RAD23B: variants seen among roughly 807,000 people sequenced by gnomAD.
RAD23B encodes the protein RAD23 nucleotide excision repair protein B, also known as lysine-specific demethylase RAD23B.
Under a neutral mutation model 49.1 loss-of-function variants are expected in RAD23B, and 5 were observed. That is an observed-to-expected ratio of 0.10 (90% CI 0.05 to 0.21). The LOEUF (loss-of-function observed/expected upper bound fraction) is 0.21, where lower values mean the gene tolerates loss of function less well. Ranked by LOEUF, RAD23B falls within the 10% of genes least tolerant of loss-of-function variation. The pLI, the probability that RAD23B is intolerant of heterozygous loss-of-function variation, is 1.00. For synonymous variants in RAD23B, 184 were observed against 165.4 expected (o/e 1.11, Z -0.86); for missense variants, 356 against 486.7 (o/e 0.73, Z 2.53).
intron 1 of RAD23B, among the ~76,000 whole-genome samples, chr9:107,289,044 CTTCCTCCCTCCCTTCT>C (rs1833330706): frequency 7.9e-6 from 1 of 127,344 alleles, no homozygotes; most frequent in Non-Finnish European, 1.7e-5. Context: ...TCCTCTCTCC[CTTCCTCCCTCCCTTCT>C]TCCCTTCCTC....
chr9:107,327,271 T>A (rs1750437775), intron 9 of RAD23B, among the ~76,000 whole-genome samples: 1 of 152,158 alleles, frequency 6.6e-6, no homozygotes, highest in African/African-American at 2.4e-5. Flanking sequence ...GTTTTAAGTC[T>A]CTCTAATGTT....
chr9:107,312,389 A>G (rs550518045), intron 5 of RAD23B, among the ~76,000 whole-genome samples: 2 of 152,286 alleles, frequency 1.3e-5, no homozygotes, highest in Non-Finnish European at 2.9e-5. Context: ...AGGAATAGGT[A>G]GAAACAGCAG....
chr9:107,308,632 C>CTT, intron 4 of RAD23B, among the ~76,000 whole-genome samples: 1 of 152,186 alleles, frequency 6.6e-6, no homozygotes, highest in Non-Finnish European at 1.5e-5. Flanking sequence ...GCATAAGTAA[C>CTT]TTGATGGTCA....
chr9:107,324,521 A>G (rs1827166013), intron 8 of RAD23B, among the ~76,000 whole-genome samples: 1 of 152,150 alleles, frequency 6.6e-6, no homozygotes, highest in South Asian at 2.1e-4. Context: ...GCAAGTATTA[A>G]GAATAAGTTC....
chr9:107,304,488 G>A (rs1826719179), intron 3 of RAD23B, among the ~76,000 whole-genome samples: 1 of 152,154 alleles, frequency 6.6e-6, no homozygotes, highest in African/African-American at 2.4e-5. Flanking sequence ...TGGCTGTTAA[G>A]AAAGTTAAGC....
rs1833203453 is a variant in RAD23B, at chr9:107,283,625, G to A, written c.-5G>A. On this transcript the variant is annotated 5_prime_UTR_variant, in exon 1 of 10. Transcript: ENST00000358015. ...GGCCCGGCAGCCGAGCTGCGCGGCG[G>A]CACCATGCAGGTCACCCTGAAGACC... 4 of 1,477,616 alleles carry A rather than the reference G, an allele frequency of 2.7e-6. No individual in the cohort carries two copies. Among genetic ancestry groups the A allele is most frequent in the East Asian group, 3.1e-5 (1 of 32,072 alleles). 91.5% of individuals were successfully genotyped at this position (1,477,616 alleles called of 1,614,324 possible).
At chr9:107,314,603 A>C (rs948849875) in intron 5 of RAD23B, among the ~76,000 whole-genome samples, 8 of 152,178 alleles carry the variant, frequency 5.3e-5, no homozygotes, top group African/African-American at 1.9e-4. Flanking sequence ...CCATATCTTT[A>C]CTATTGTGAA....
intron 1 of RAD23B, among the ~76,000 whole-genome samples, chr9:107,292,469 A>C (rs1381142271): frequency 6.6e-6 from 1 of 152,136 alleles, no homozygotes; most frequent in Non-Finnish European, 1.5e-5. Context: ...TCACGAGGTC[A>C]GGAGTTCGAG....
chr9:107,329,758 T>A lies in RAD23B; in HGVS notation c.*102T>A. The A allele has an allele frequency of 2.0e-6, 1 of 491,876 alleles. No homozygotes were observed. Among genetic ancestry groups the A allele is most frequent in the Non-Finnish European group, 3.8e-6 (1 of 262,600 alleles). 30.5% of individuals were successfully genotyped at this position (491,876 alleles called of 1,614,324 possible). Reference sequence around the variant, plus strand: ...GGGCTCATATCCACAATACTTGGTATAAGGTAGTAGATTGTTGGGGGTGGG... The same window carrying A: ...GGGCTCATATCCACAATACTTGGTAAAAGGTAGTAGATTGTTGGGGGTGGG... On this transcript the variant is annotated 3_prime_UTR_variant, in exon 10 of 10. Coordinates refer to ENST00000358015, the MANE Select transcript of RAD23B (RefSeq NM_002874.5).
intron 1 of RAD23B, chr9:107,284,781 T>C (rs1480039767): frequency 1.8e-6 from 2 of 1,141,770 alleles, no homozygotes; most frequent in Non-Finnish European, 2.2e-6. Context: ...TCAGGGGCTT[T>C]GGTGTTAAGT....
At chr9:107,319,451 C>T (rs1039778877) in intron 6 of RAD23B, among the ~76,000 whole-genome samples, 17 of 151,990 alleles carry the variant, frequency 1.1e-4, no homozygotes, top group African/African-American at 3.6e-4. Context: ...CTTGAGAATC[C>T]GGGCCAAATT....
At chr9:107,284,231 TG>T in intron 1 of RAD23B, 1 of 985,278 alleles carries the variant, frequency 1.0e-6, no homozygotes, top group Non-Finnish European at 1.2e-6. Context: ...CCCTCAGAAT[TG>T]TTTACCCTTT....
chr9:107,297,066 A>G (rs943924691), intron 1 of RAD23B, among the ~76,000 whole-genome samples: 3 of 151,282 alleles, frequency 2.0e-5, no homozygotes, highest in Non-Finnish European at 2.9e-5. Flanking sequence ...GTTGGCCAGG[A>G]TGATCGTGAT....
rs1432386234 is a variant in RAD23B, at chr9:107,296,495, G to A, written c.67-3646G>A. On this transcript the variant is annotated intron_variant, in intron 1 of 9. Transcript: ENST00000358015. ...TTCTGTGCTGTGACTGTGTAATTGTGAATTGCCTGCCCAATCATTTGTCCA... is the reference window on the plus strand; with the variant it reads ...TTCTGTGCTGTGACTGTGTAATTGTAAATTGCCTGCCCAATCATTTGTCCA... Among the ~76,000 whole-genome samples, 4 of 152,188 alleles carry A rather than the reference G, an allele frequency of 2.6e-5. No homozygotes were observed. In the East Asian group the frequency reaches 5.8e-4, roughly 22 times the overall value.
intron 9 of RAD23B, 169 bp downstream of exon 9, chr9:107,325,173 G>A (rs916508561): frequency 1.8e-5 from 9 of 495,074 alleles, no homozygotes; most frequent in African/African-American, 1.6e-4. Context: ...AAATTAGCTG[G>A]CGTGGTGGCA....
At chr9:107,316,452 C>T (rs185699937) in intron 5 of RAD23B, among the ~76,000 whole-genome samples, 1 of 152,036 alleles carries the variant, frequency 6.6e-6, no homozygotes, top group Non-Finnish European at 1.5e-5. Flanking sequence ...TTTTGTAGCT[C>T]GTAATTTCGT....
intron 1 of RAD23B, among the ~76,000 whole-genome samples, chr9:107,296,884 A>G (rs1382707136): frequency 8.0e-6 from 1 of 125,506 alleles, no homozygotes; most frequent in Non-Finnish European, 1.6e-5. Context: ...GAGATGCAGT[A>G]TTGCTCTGTC....
At chr9:107,308,417 C>T (rs768754637) in intron 4 of RAD23B, among the ~76,000 whole-genome samples, 6 of 152,028 alleles carry the variant, frequency 3.9e-5, no homozygotes, top group Non-Finnish European at 5.9e-5. Flanking sequence ...AGGGGTTTCA[C>T]CATGTTAGCC....
At chr9:107,302,198 GT>G in intron 3 of RAD23B, 84 bp downstream of exon 3, 1 of 1,577,706 alleles carries the variant, frequency 6.3e-7, no homozygotes, top group Non-Finnish European at 8.6e-7. Context: ...AATGGACACA[GT>G]TTATACACAT....
Sources: gnomAD v4.1 joint callset for allele counts (sites outside exome capture counted in the v4.1 genomes callset) on GRCh38, gnomAD v4.1.1 for gene constraint, MANE v1.5 for transcripts, NCBI Gene and HGNC (gene_info 2026-07-23, HGNC 2026-07-21) for gene names.